PTGS1: variants seen among roughly 807,000 people sequenced by gnomAD.
PTGS1 encodes prostaglandin G/H synthase 1.
Under a neutral mutation model 63.0 loss-of-function variants are expected in PTGS1, and 40 were observed. That is an observed-to-expected ratio of 0.63 (90% confidence interval 0.49 to 0.83). PTGS1 has a LOEUF of 0.83. PTGS1 is among the 40% of genes least tolerant of loss of function. PTGS1 has a pLI of 0.00. For missense variants in PTGS1, 709 were observed against 786.5 expected, an observed-to-expected ratio of 0.90 and a Z score of 1.18; for synonymous variants, 298 against 301.9, an observed-to-expected ratio of 0.99 and a Z score of 0.13.
chr9:122,371,390 A>G, intron 2 of PTGS1, 118 bp downstream of exon 2: 3 of 1,508,632 alleles, frequency 2.0e-6, no homozygotes, highest in Non-Finnish European at 2.7e-6. Context: ...CGGTGCTGAG[A>G]AAGACTGAGG....
At chr9:122,390,100 A>C in intron 9 of PTGS1, 98 bp from the exon 10 acceptor site, 1 of 1,415,882 alleles carries the variant, frequency 7.1e-7, no homozygotes, top group South Asian at 1.4e-5. Flanking sequence ...CTAGCTCAGA[A>C]GGGACTCCCA....
chr9:122,379,897 T>C (rs1837408662), intron 5 of PTGS1, among the ~76,000 whole-genome samples: 1 of 152,200 alleles, frequency 6.6e-6, no homozygotes, highest in East Asian at 1.9e-4. Flanking sequence ...AGGGCTCACA[T>C]CTTGATGCAT....
rs556314186 is a variant in PTGS1, at chr9:122,381,356, C to T, written c.497-15C>T. 3 of 1,612,634 alleles carry T rather than the reference C, an allele frequency of 1.9e-6. No individual in the cohort carries two copies. Among genetic ancestry groups the T allele is most frequent in the Admixed American group, 3.3e-5 (2 of 59,912 alleles). ...AGATAGGAGAAGCTACTGCTGTTTC[C>T]TACCCCCCAACCAGGGAAGAAGCAG... On this transcript the variant is annotated splice_polypyrimidine_tract_variant and intron_variant, in intron 5 of 10. Coordinates refer to ENST00000362012, the MANE Select transcript of PTGS1 (RefSeq NM_000962.4).
intron 5 of PTGS1, among the ~76,000 whole-genome samples, chr9:122,379,400 T>C (rs1837380246): frequency 6.6e-6 from 1 of 152,196 alleles, no homozygotes; most frequent in Admixed American, 6.5e-5. Context: ...CCATGCCACC[T>C]GTAATTATCC....
chr9:122,394,950 CA>C lies in PTGS1; in HGVS notation c.*2408del, dbSNP rs1354935902. 3.3e-5 allele frequency: 5 copies of C among 152,184 alleles called. No homozygotes were observed. Among genetic ancestry groups the C allele is most frequent in the African/African-American group, 7.2e-5 (3 of 41,432 alleles). The allele number at this position is 152,184 out of a possible 1,614,324, so 9.4% of individuals were successfully genotyped here. ...TTTATGGCTGCTGGGCTGAGTGACA[CA>C]AGCACTTTAATGGCCTGGAGGGACT... On this transcript the variant is annotated 3_prime_UTR_variant, in exon 11 of 11. Coordinates refer to ENST00000362012, the MANE Select transcript of PTGS1 (RefSeq NM_000962.4).
In PTGS1 at chr9:122,390,214, A is replaced by T. The variant is rs1383364119; in HGVS notation, c.1313A>T (p.Asn438Ile). 1 of 1,613,926 alleles carries T rather than the reference A, an allele frequency of 6.2e-7. No homozygotes were observed. Among genetic ancestry groups the T allele is most frequent in the East Asian group, 2.2e-5 (1 of 44,866 alleles). Residue 438 changes from asparagine (N) to isoleucine (I), a missense_variant, in exon 10 of 11, where the codon AAC (asparagine) becomes ATC (isoleucine). Coordinates refer to ENST00000362012, the MANE Select transcript of PTGS1 (RefSeq NM_000962.4). ...TCTCGGCAGATCGGTGGGGGCAGGA[A>T]CATGGACCACCACATCCTGCATGTG... is the stretch of plus-strand genomic sequence containing the variant. Reference protein sequence around the residue: ...QIAGRIGGGRNMDHHILHVAV... With the variant: ...QIAGRIGGGRIMDHHILHVAV...
intron 2 of PTGS1, among the ~76,000 whole-genome samples, chr9:122,377,272 A>G (rs1225320526): frequency 6.6e-6 from 1 of 152,074 alleles, no homozygotes; most frequent in Non-Finnish European, 1.5e-5. Context: ...TGGTCTGGTG[A>G]GACTTGTGGG....
chr9:122,381,940 C>T (rs911181562), intron 7 of PTGS1, among the ~76,000 whole-genome samples, 193 bp downstream of exon 7: 2 of 152,168 alleles, frequency 1.3e-5, no homozygotes, highest in African/African-American at 2.4e-5. Context: ...GCAGACGTGG[C>T]CTCCCATGTC....
At chr9:122,389,426 C>T (rs1214623617) in intron 9 of PTGS1, among the ~76,000 whole-genome samples, 1 of 152,080 alleles carries the variant, frequency 6.6e-6, no homozygotes, top group African/African-American at 2.4e-5. Flanking sequence ...GCTGGGATTA[C>T]AGGCACAAGC....
intron 2 of PTGS1, among the ~76,000 whole-genome samples, chr9:122,376,055 AC>A (rs1305720857): frequency 2.0e-5 from 3 of 152,046 alleles, no homozygotes; most frequent in Non-Finnish European, 4.4e-5. Flanking sequence ...TAGCAGGGTG[AC>A]AAGTCCTTTC....
chr9:122,378,204 T>G (rs1837292065), intron 3 of PTGS1, among the ~76,000 whole-genome samples, 189 bp downstream of exon 3: 1 of 152,228 alleles, frequency 6.6e-6, no homozygotes, highest in Admixed American at 6.5e-5. Context: ...CCTCACTCCC[T>G]GCTTCTGAGT....
chr9:122,377,538 A>G (rs1170327063), intron 2 of PTGS1, among the ~76,000 whole-genome samples: 1 of 146,682 alleles, frequency 6.8e-6, no homozygotes, highest in Non-Finnish European at 1.5e-5. Context: ...AACGCTCTAG[A>G]AGCCCGTGGC....
At chr9:122,389,887 A>G (rs1188075253) in intron 9 of PTGS1, among the ~76,000 whole-genome samples, 2 of 151,960 alleles carry the variant, frequency 1.3e-5, no homozygotes, top group Non-Finnish European at 2.9e-5. Context: ...CTTGAGCCTG[A>G]GGAAGTTGAG....
At position 122,378,414 on chromosome 9, in the gene PTGS1, A is replaced by T; in HGVS notation, c.212-19A>T. The T allele has an allele frequency of 1.2e-6, 2 of 1,612,312 alleles. No individual in the cohort carries two copies. On this transcript the variant is annotated intron_variant, in intron 3 of 10. Coordinates refer to ENST00000362012, the MANE Select transcript of PTGS1 (RefSeq NM_000962.4). Reference sequence around the variant, plus strand: ...TCTGGTAGGAGGGACCAACTGAGTGACTGCCATTGCCCCTGCAGCTGGCCT... The same window carrying T: ...TCTGGTAGGAGGGACCAACTGAGTGTCTGCCATTGCCCCTGCAGCTGGCCT...
chr9:122,371,137 G>A (rs200631028), intron 1 of PTGS1, 46 bp downstream of exon 1: 1 of 1,606,976 alleles, frequency 6.2e-7, no homozygotes, highest in Non-Finnish European at 8.5e-7. Context: ...TTGGCCTCCT[G>A]GTGGAGCCTT....
In PTGS1 at chr9:122,383,700, G is replaced by C. The variant is rs201374825; in HGVS notation, c.954G>C (p.Glu318Asp). ...HNRVCDLLKA[E>D]HPTWGDEQLF... ...GTGTGTGTGACCTGCTGAAGGCTGA[G>C]CACCCCACCTGGGGCGATGAGCAGC... The change falls in exon 8 of 11, where the codon GAG (glutamate) becomes GAC (aspartate). Residue 318 changes from glutamate to aspartate, a missense_variant. By Grantham distance (45) the Glu-to-Asp change is conservative. Transcript: ENST00000362012. The C allele has an allele frequency of 1.5e-5, 24 of 1,613,972 alleles. No homozygotes were observed. In the East Asian group the frequency reaches 3.8e-4, roughly 25 times the overall value.
chr9:122,379,414 A>G (rs1220281322), intron 5 of PTGS1, among the ~76,000 whole-genome samples: 2 of 152,150 alleles, frequency 1.3e-5, no homozygotes, highest in East Asian at 3.9e-4. Context: ...ATTATCCAAA[A>G]ACCTGGGATA....
chr9:122,371,658 C>T, intron 2 of PTGS1: 1 of 1,438,942 alleles, frequency 6.9e-7, no homozygotes, highest in South Asian at 1.5e-5. Context: ...AAATGAGTTC[C>T]CTTTCTCCAG....
At chr9:122,380,760 C>A (rs112766790) in intron 5 of PTGS1, among the ~76,000 whole-genome samples, 225 of 152,332 alleles carry the variant, frequency 1.5e-3, no homozygotes, top group African/African-American at 5.1e-3. Context: ...CACTGGTTCT[C>A]TGCCATGCTT....
Sources: allele counts gnomAD v4.1 joint callset (sites outside exome capture counted in the v4.1 genomes callset), GRCh38; gene constraint gnomAD v4.1.1; transcripts MANE v1.5; gene names NCBI Gene and HGNC (gene_info 2026-07-23, HGNC 2026-07-21).